XNDC1N: variants seen among roughly 807,000 people sequenced by gnomAD.
XNDC1N encodes the protein protein XNDC1N.
At chr11:71,878,010 T>C in the XNDC1N span, among the ~76,000 whole-genome samples, 2 of 152,250 alleles carry the variant, frequency 1.3e-5, no homozygotes, top group Non-Finnish European at 2.9e-5. Context: ...TGTTTATAAT[T>C]CCATTGCTTA....
the XNDC1N span, among the ~76,000 whole-genome samples, chr11:71,890,562 C>G: frequency 6.6e-6 from 1 of 152,040 alleles, no homozygotes; most frequent in Non-Finnish European, 1.5e-5. Flanking sequence ...TGAATACTAT[C>G]CTCTCCCTCT....
chr11:71,899,410 T>C, the XNDC1N span, among the ~76,000 whole-genome samples: 12 of 152,206 alleles, frequency 7.9e-5, no homozygotes, highest in East Asian at 2.1e-3. Flanking sequence ...TGTGTCTATG[T>C]AGAAAGGAAA....
At chr11:71,877,593 G>A in the XNDC1N span, among the ~76,000 whole-genome samples, 4 of 152,162 alleles carry the variant, frequency 2.6e-5, no homozygotes, top group South Asian at 2.1e-4. Context: ...AGCCAAGATC[G>A]CACCACTGCG....
the XNDC1N span, among the ~76,000 whole-genome samples, chr11:71,922,746 C>A: frequency 6.6e-6 from 1 of 152,154 alleles, no homozygotes. Context: ...AATGGCACCC[C>A]TTGAGAAAGA....
At chr11:71,925,170 C>T in the XNDC1N span, among the ~76,000 whole-genome samples, 3 of 151,962 alleles carry the variant, frequency 2.0e-5, no homozygotes. Context: ...TCTCACTTAG[C>T]CTTTAACAGA....
At chr11:71,900,227 C>T in the XNDC1N span, among the ~76,000 whole-genome samples, 1 of 152,196 alleles carries the variant, frequency 6.6e-6, no homozygotes, top group East Asian at 1.9e-4. Flanking sequence ...ACTCAGAGGC[C>T]AGTGCCGGTG....
At chr11:71,920,507 G>C in the XNDC1N span, among the ~76,000 whole-genome samples, 1 of 151,002 alleles carries the variant, frequency 6.6e-6, no homozygotes, top group African/African-American at 2.4e-5. Context: ...GTTTCTCCAT[G>C]TTGGTCAGGC....
the XNDC1N span, among the ~76,000 whole-genome samples, chr11:71,919,764 C>CGTG: frequency 7.3e-6 from 1 of 137,710 alleles, no homozygotes. Flanking sequence ...ACTACAGGCG[C>CGTG]CCACCACCAT....
chr11:71,905,346 T>A, the XNDC1N span, among the ~76,000 whole-genome samples: 1 of 151,876 alleles, frequency 6.6e-6, no homozygotes, highest in Non-Finnish European at 1.5e-5. Context: ...CATGTGATAT[T>A]AGGAGTAACC....
chr11:71,910,523 C>T, the XNDC1N span, among the ~76,000 whole-genome samples: 1,689 of 152,268 alleles, frequency 0.011, 11 homozygotes, highest in Admixed American at 0.021. Flanking sequence ...ACCTAGGCTG[C>T]GTGTTGCTCC....
chr11:71,915,478 A>T, the XNDC1N span, among the ~76,000 whole-genome samples: 1 of 151,598 alleles, frequency 6.6e-6, no homozygotes, highest in East Asian at 1.9e-4. Context: ...AAAGATTACG[A>T]CTCACTGAAG....
chr11:71,922,687 T>C, the XNDC1N span, among the ~76,000 whole-genome samples: 1 of 152,174 alleles, frequency 6.6e-6, no homozygotes, highest in African/African-American at 2.4e-5. Context: ...AAGTATCTCA[T>C]CATGCAAATA....
the XNDC1N span, chr11:71,916,224 C>G: frequency 4.3e-6 from 3 of 702,770 alleles, 1 homozygote; most frequent in South Asian, 3.0e-5. Context: ...GATCCCATAA[C>G]TCTCCTGAGG....
chr11:71,915,215 G>A, the XNDC1N span, among the ~76,000 whole-genome samples: 35 of 152,196 alleles, frequency 2.3e-4, no homozygotes, highest in African/African-American at 8.2e-4. Context: ...TTGGGAGGCC[G>A]AGACGGGAGG....
chr11:71,916,264 A>C, the XNDC1N span: 1 of 702,242 alleles, frequency 1.4e-6, no homozygotes, highest in Non-Finnish European at 2.6e-6. Flanking sequence ...TCAAGGAAAA[A>C]AGAGAAACAA....
At chr11:71,923,120 A>C in the XNDC1N span, among the ~76,000 whole-genome samples, 1 of 152,132 alleles carries the variant, frequency 6.6e-6, no homozygotes, top group African/African-American at 2.4e-5. Flanking sequence ...TTCTGAGAAG[A>C]CTTCTTTTGC....
At chr11:71,924,173 A>G in the XNDC1N span, among the ~76,000 whole-genome samples, 5 of 152,146 alleles carry the variant, frequency 3.3e-5, 1 homozygote, top group African/African-American at 1.2e-4. Flanking sequence ...CTTTTCTTGA[A>G]GTTATTCCTC....
At chr11:71,877,426 C>G in the XNDC1N span, among the ~76,000 whole-genome samples, 1 of 152,194 alleles carries the variant, frequency 6.6e-6, no homozygotes, top group Non-Finnish European at 1.5e-5. Flanking sequence ...TCACTTGAGG[C>G]CAGGAGTTCG....
At chr11:71,911,290 T>C in the XNDC1N span, among the ~76,000 whole-genome samples, 1 of 152,228 alleles carries the variant, frequency 6.6e-6, no homozygotes, top group Admixed American at 6.5e-5. Flanking sequence ...AATCCCCGTA[T>C]AACCATTGAA....
Sources: allele counts gnomAD v4.1 joint callset (sites outside exome capture counted in the v4.1 genomes callset), GRCh38; gene constraint gnomAD v4.1.1; transcripts MANE v1.5; gene names NCBI Gene and HGNC (gene_info 2026-07-23, HGNC 2026-07-21).